Variants in CATSPER3 observed in about 807,000 individuals in gnomAD.
CATSPER3 encodes cation channel sperm-associated protein 3.
In CATSPER3, 23 loss-of-function variants were observed where a neutral mutation model predicts 36.6. The observed-to-expected ratio is 0.63, with a 90% CI of 0.45 to 0.89. The LOEUF (loss-of-function observed/expected upper bound fraction) is 0.89, where lower values mean the gene tolerates loss of function less well. CATSPER3 is among the 40% of genes least tolerant of loss of function. CATSPER3 has a pLI of 0.00. For missense variants in CATSPER3, 474 were observed against 503.9 expected, an observed-to-expected ratio of 0.94 and a Z score of 0.57; for synonymous variants, 172 against 184.1, an observed-to-expected ratio of 0.93 and a Z score of 0.53.
chr5:134,975,959 C>A (rs1014687555), intron 2 of CATSPER3, among the ~76,000 whole-genome samples: 3 of 152,100 alleles, frequency 2.0e-5, no homozygotes, highest in African/African-American at 7.2e-5. Flanking sequence ...GGACAAAATC[C>A]TGTCATTTGC....
chr5:135,007,080 C>A (rs1235793909), intron 3 of CATSPER3, among the ~76,000 whole-genome samples: 1 of 152,092 alleles, frequency 6.6e-6, no homozygotes, highest in Non-Finnish European at 1.5e-5. Flanking sequence ...TAAGGACCTC[C>A]TTTCCTAGTA....
chr5:134,973,669 A>G (rs1424744820), intron 2 of CATSPER3, among the ~76,000 whole-genome samples: 3 of 152,226 alleles, frequency 2.0e-5, no homozygotes, highest in African/African-American at 7.2e-5. Context: ...CTGGCCAAAG[A>G]TGGGACAGTT....
intron 2 of CATSPER3, among the ~76,000 whole-genome samples, chr5:134,982,494 C>G (rs996451686): frequency 6.6e-6 from 1 of 152,152 alleles, no homozygotes; most frequent in African/African-American, 2.4e-5. Flanking sequence ...ATAAGATTAA[C>G]AGCCGATTTA....
chr5:134,979,744 G>A (rs545471070), intron 2 of CATSPER3, among the ~76,000 whole-genome samples: 1 of 152,260 alleles, frequency 6.6e-6, no homozygotes, highest in African/African-American at 2.4e-5. Flanking sequence ...CATGCCCAAG[G>A]CAGGACGAAT....
chr5:134,982,478 A>G lies in CATSPER3; in HGVS notation c.252+12386A>G, dbSNP rs561387401. ...ATAAGCAAGTTGTCACATACAAGAAACCTCAATAAGATTAACAGCCGATTT... is the reference window on the plus strand; with the variant it reads ...ATAAGCAAGTTGTCACATACAAGAAGCCTCAATAAGATTAACAGCCGATTT... On this transcript the variant is annotated intron_variant, in intron 2 of 7. Transcript: ENST00000282611. Among the ~76,000 whole-genome samples, 7 of 152,282 alleles carry G rather than the reference A, an allele frequency of 4.6e-5. No individual in the cohort carries two copies. In the East Asian group the frequency reaches 1.2e-3, roughly 25 times the overall value.
rs1309755658 is a variant in CATSPER3 at position 134,970,001 on chromosome 5, TAATTATGATTAGCACTGTCACATCG to T, written c.165_189del (p.Ile55MetfsTer13). 1 of 1,614,146 alleles carries T rather than the reference TAATTATGATTAGCACTGTCACATCG, an allele frequency of 6.2e-7. No individual in the cohort carries two copies. Among genetic ancestry groups the T allele is most frequent in the Admixed American group, 1.7e-5 (1 of 60,024 alleles). Reference sequence around the variant, plus strand: ...GTCATAATGAGCCGTTTCTTTAAGATAATTATGATTAGCACTGTCACATCGAATGCGTTTTTTATGGCCTTGTGGA... The same window carrying T: ...GTCATAATGAGCCGTTTCTTTAAGATAATGCGTTTTTTATGGCCTTGTGGA... On this transcript the variant is annotated frameshift_variant, in exon 2 of 8. Coordinates refer to ENST00000282611, the MANE Select transcript of CATSPER3 (RefSeq NM_178019.3). LOFTEE classifies it high-confidence loss of function.
At chr5:134,968,275 G>A in intron 1 of CATSPER3, 186 bp downstream of exon 1, 1 of 605,988 alleles carries the variant, frequency 1.7e-6, no homozygotes, top group Non-Finnish European at 3.0e-6. Context: ...TATGTGCCCT[G>A]TAGACTTGAA....
intron 3 of CATSPER3, among the ~76,000 whole-genome samples, chr5:135,000,053 A>C (rs530918676): frequency 6.6e-6 from 1 of 152,158 alleles, no homozygotes; most frequent in Non-Finnish European, 1.5e-5. Flanking sequence ...ATTTGTCATA[A>C]ATAGCTCTTA....
chr5:134,969,645 T>G (rs2149544324), intron 1 of CATSPER3: 1 of 423,584 alleles, frequency 2.4e-6, no homozygotes, highest in Non-Finnish European at 4.4e-6. Context: ...CAATAAAGAT[T>G]TGTTGAGTCA....
intron 2 of CATSPER3, among the ~76,000 whole-genome samples, chr5:134,993,162 A>T (rs1751899083): frequency 6.6e-6 from 1 of 152,372 alleles, no homozygotes; most frequent in South Asian, 2.1e-4. Context: ...TACAACATGG[A>T]ATGAACCTTG....
chr5:134,977,648 C>T (rs112576513), intron 2 of CATSPER3, among the ~76,000 whole-genome samples: 33 of 152,302 alleles, frequency 2.2e-4, no homozygotes, highest in African/African-American at 7.9e-4. Context: ...TTACTTAGTT[C>T]CAAAGCTGCT....
chr5:134,993,768 C>T (rs930844320), intron 2 of CATSPER3, among the ~76,000 whole-genome samples: 2 of 152,164 alleles, frequency 1.3e-5, no homozygotes, highest in Non-Finnish European at 2.9e-5. Context: ...TTTAAAATTT[C>T]TACTGCCCAA....
At chr5:134,982,628 A>G (rs1355556673) in intron 2 of CATSPER3, among the ~76,000 whole-genome samples, 1 of 152,194 alleles carries the variant, frequency 6.6e-6, no homozygotes, top group East Asian at 1.9e-4. Context: ...AGGGGAAATA[A>G]AGACTTCCAG....
chr5:134,972,484 T>C (rs1751619327), intron 2 of CATSPER3, among the ~76,000 whole-genome samples: 1 of 151,736 alleles, frequency 6.6e-6, no homozygotes, highest in African/African-American at 2.4e-5. Flanking sequence ...GAACTAGAAA[T>C]AAAAATTTCA....
intron 2 of CATSPER3, among the ~76,000 whole-genome samples, chr5:134,984,558 A>G (rs1210449336): frequency 6.6e-6 from 1 of 152,206 alleles, no homozygotes; most frequent in Non-Finnish European, 1.5e-5. Flanking sequence ...GTAAATTAAA[A>G]CCACAATGAC....
intron 2 of CATSPER3, among the ~76,000 whole-genome samples, chr5:134,974,425 A>G (rs1751644038): frequency 6.6e-6 from 1 of 152,154 alleles, no homozygotes. Flanking sequence ...AAAAATTTGG[A>G]TAGTGGTTAA....
intron 3 of CATSPER3, among the ~76,000 whole-genome samples, chr5:134,997,206 C>T (rs2149550897): frequency 6.6e-6 from 1 of 152,342 alleles, no homozygotes. Flanking sequence ...GTGTGTCGTC[C>T]TGTCCTGCCG....
At chr5:135,001,280 G>C (rs1048087001) in intron 3 of CATSPER3, among the ~76,000 whole-genome samples, 2 of 152,192 alleles carry the variant, frequency 1.3e-5, no homozygotes, top group Non-Finnish European at 2.9e-5. Flanking sequence ...CTGAGTTCTA[G>C]TTTGATTGCA....
At chr5:135,000,219 T>A (rs1752003323) in intron 3 of CATSPER3, among the ~76,000 whole-genome samples, 1 of 152,244 alleles carries the variant, frequency 6.6e-6, no homozygotes. Flanking sequence ...GTTTATTGAT[T>A]TGCATATGTT....
Sources: gnomAD v4.1 joint callset for allele counts (sites outside exome capture counted in the v4.1 genomes callset) on GRCh38, gnomAD v4.1.1 for gene constraint, MANE v1.5 for transcripts, NCBI Gene and HGNC (gene_info 2026-07-23, HGNC 2026-07-21) for gene names.